NIBAN1: variants seen among roughly 807,000 people sequenced by gnomAD.
NIBAN1 encodes niban apoptosis regulator 1, also known as protein Niban 1.
Under a neutral mutation model 75.1 loss-of-function variants are expected in NIBAN1, and 81 were observed. The observed-to-expected ratio is 1.08, with a 90% CI of 0.90 to 1.30. The LOEUF (loss-of-function observed/expected upper bound fraction) is 1.30, where lower values mean the gene tolerates loss of function less well. Ranked by LOEUF, NIBAN1 falls within the 50% of genes most tolerant of loss-of-function variation. The pLI, the probability that NIBAN1 is intolerant of heterozygous loss-of-function variation, is 0.00. For missense variants in NIBAN1, 1,133 were observed against 1,128.1 expected, an observed-to-expected ratio of 1.00 and a Z score of -0.06; for synonymous variants, 436 against 424.8, an observed-to-expected ratio of 1.03 and a Z score of -0.32.
At chr1:184,919,122 C>T (rs61823955) in intron 1 of NIBAN1, among the ~76,000 whole-genome samples, 1 of 152,154 alleles carries the variant, frequency 6.6e-6, no homozygotes, top group Admixed American at 6.5e-5. Context: ...TTTAAGTTGT[C>T]AGAAAGACTC....
chr1:184,861,693 G>A (rs1386143040), intron 5 of NIBAN1, among the ~76,000 whole-genome samples: 1 of 142,652 alleles, frequency 7.0e-6, no homozygotes, highest in Non-Finnish European at 1.5e-5. Context: ...AGGAGTGAGG[G>A]AAGGAAAGAA....
intron 9 of NIBAN1, among the ~76,000 whole-genome samples, chr1:184,811,666 GT>G (rs1654384152): frequency 6.6e-6 from 1 of 151,794 alleles, no homozygotes; most frequent in Non-Finnish European, 1.5e-5. Flanking sequence ...CTAATTTTTG[GT>G]ATTTTTAGTA....
intron 1 of NIBAN1, among the ~76,000 whole-genome samples, chr1:184,913,154 T>TTA (rs1553227230): frequency 2.0e-5 from 3 of 146,650 alleles, no homozygotes; most frequent in Non-Finnish European, 4.5e-5. Flanking sequence ...TATATATATA[T>TTA]TATATATATA....
At chr1:184,880,234 C>CA (rs985971760) in intron 5 of NIBAN1, among the ~76,000 whole-genome samples, 1 of 152,230 alleles carries the variant, frequency 6.6e-6, no homozygotes, top group African/African-American at 2.4e-5. Context: ...TTGATATTGA[C>CA]AAATGCCTTC....
intron 1 of NIBAN1, among the ~76,000 whole-genome samples, chr1:184,974,062 C>A (rs1289581486): frequency 6.6e-6 from 1 of 152,102 alleles, no homozygotes; most frequent in African/African-American, 2.4e-5. Flanking sequence ...AAGGCGCCGG[C>A]GTCCCCACCC....
Position 184,792,684 on chromosome 1 carries a change from G to A in NIBAN1, c.*2293C>T, listed in dbSNP as rs1412016465. ...CAAAACGTCTTTCTGCCTGACAGCA[G>A]GCCCCAAATAGCCCCAGCACAGCAG... On this transcript the variant is annotated 3_prime_UTR_variant, in exon 14 of 14. Transcript: ENST00000367511. 1.3e-5 allele frequency: 2 copies of A among 152,752 alleles called. No homozygotes were observed. Among genetic ancestry groups the A allele is most frequent in the East Asian group, 3.8e-4 (2 of 5,198 alleles). The allele number at this position is 152,752 out of a possible 1,614,324, so 9.5% of individuals were successfully genotyped here.
chr1:184,813,199 T>C (rs1401145513), intron 9 of NIBAN1, among the ~76,000 whole-genome samples: 1 of 152,222 alleles, frequency 6.6e-6, no homozygotes, highest in East Asian at 1.9e-4. Flanking sequence ...TGTAATGTTC[T>C]TCTGTCTGTC....
At chr1:184,971,991 G>T (rs779095051) in intron 1 of NIBAN1, among the ~76,000 whole-genome samples, 2 of 152,150 alleles carry the variant, frequency 1.3e-5, no homozygotes, top group Non-Finnish European at 2.9e-5. Flanking sequence ...GATGTTTTGA[G>T]GCACACAAGG....
chr1:184,901,736 G>A (rs1384106455), intron 1 of NIBAN1, among the ~76,000 whole-genome samples: 1 of 152,152 alleles, frequency 6.6e-6, no homozygotes, highest in Non-Finnish European at 1.5e-5. Flanking sequence ...ACATCACCAA[G>A]CCTCCCCAGG....
chr1:184,934,141 AAAAGTAAC>A (rs1168284502), intron 1 of NIBAN1, among the ~76,000 whole-genome samples: 1 of 152,268 alleles, frequency 6.6e-6, no homozygotes, highest in African/African-American at 2.4e-5. Flanking sequence ...TGCAGCCATA[AAAAGTAAC>A]AAAATTATGT....
intron 1 of NIBAN1, among the ~76,000 whole-genome samples, chr1:184,970,771 C>T (rs1202176089): frequency 2.6e-5 from 4 of 152,124 alleles, no homozygotes; most frequent in Non-Finnish European, 4.4e-5. Context: ...TTTTCAGCTG[C>T]GGCACTGACT....
chr1:184,966,006 A>G (rs896654418), intron 1 of NIBAN1, among the ~76,000 whole-genome samples: 2 of 152,190 alleles, frequency 1.3e-5, no homozygotes, highest in Non-Finnish European at 2.9e-5. Context: ...GTGTAGATTA[A>G]AAGAGACATC....
At chr1:184,828,024 T>A (rs1446210685) in intron 6 of NIBAN1, among the ~76,000 whole-genome samples, 2 of 147,814 alleles carry the variant, frequency 1.4e-5, no homozygotes, top group Non-Finnish European at 3.0e-5. Context: ...CTCTAGCCCA[T>A]CTTGGTATTT....
At chr1:184,811,457 T>C (rs918821190) in intron 9 of NIBAN1, among the ~76,000 whole-genome samples, 16 of 151,028 alleles carry the variant, frequency 1.1e-4, no homozygotes, top group African/African-American at 3.4e-4. Flanking sequence ...TAATTTACAG[T>C]GGAATGTTCC....
intron 9 of NIBAN1, among the ~76,000 whole-genome samples, chr1:184,811,717 T>C (rs557657355): frequency 6.6e-6 from 1 of 151,996 alleles, no homozygotes; most frequent in Admixed American, 6.5e-5. Context: ...TGGTCTCGAT[T>C]TCCCGACCTC....
At chr1:184,913,863 G>A (rs1657311908) in intron 1 of NIBAN1, among the ~76,000 whole-genome samples, 1 of 152,224 alleles carries the variant, frequency 6.6e-6, no homozygotes, top group Admixed American at 6.5e-5. Flanking sequence ...ATGTAGGTAA[G>A]AAGTGGATTG....
At chr1:184,838,495 C>T (rs145701859) in intron 5 of NIBAN1, among the ~76,000 whole-genome samples, 5 of 152,298 alleles carry the variant, frequency 3.3e-5, no homozygotes, top group East Asian at 3.9e-4. Context: ...CACATCCTCA[C>T]GACCAAGAAC....
At chr1:184,799,312 G>T (rs1428755528) in intron 12 of NIBAN1, among the ~76,000 whole-genome samples, 1 of 149,746 alleles carries the variant, frequency 6.7e-6, no homozygotes. Flanking sequence ...TTGTTCTTGC[G>T]ATAGTTTACT....
chr1:184,955,930 C>CT (rs1658478414), intron 1 of NIBAN1, among the ~76,000 whole-genome samples: 1 of 152,148 alleles, frequency 6.6e-6, no homozygotes, highest in South Asian at 2.1e-4. Flanking sequence ...TCTATCTGCC[C>CT]TTATCTGCAG....
Sources: gnomAD v4.1 joint callset for allele counts (sites outside exome capture counted in the v4.1 genomes callset) on GRCh38, gnomAD v4.1.1 for gene constraint, MANE v1.5 for transcripts, NCBI Gene and HGNC (gene_info 2026-07-23, HGNC 2026-07-21) for gene names.